Variants in GPHN observed in about 807,000 individuals in gnomAD.
The protein encoded by GPHN is gephyrin.
GPHN carries 17 observed loss-of-function variants against 95.5 expected under a neutral mutation model. The ratio of observed to expected loss-of-function variants is 0.18; its 90% CI spans 0.12 to 0.27. GPHN has a LOEUF of 0.27. GPHN is among the 10% of genes least tolerant of loss of function. GPHN has a pLI of 1.00. For synonymous variants in GPHN, 320 were observed against 322.5 expected, an observed-to-expected ratio of 0.99 and a Z score of 0.08; for missense variants, 660 against 978.1, an observed-to-expected ratio of 0.67 and a Z score of 4.34.
chr14:66,981,927 G>A (rs1299002528), intron 9 of GPHN, among the ~76,000 whole-genome samples: 1 of 152,004 alleles, frequency 6.6e-6, no homozygotes, highest in African/African-American at 2.4e-5. Flanking sequence ...CCAGACCTTG[G>A]TTCCCTTATC....
intron 1 of GPHN, among the ~76,000 whole-genome samples, chr14:66,624,572 G>C (rs2063447224): frequency 6.6e-6 from 1 of 152,198 alleles, no homozygotes; most frequent in African/African-American, 2.4e-5. Context: ...TAACTGGTAA[G>C]GGCTGATCCA....
intron 1 of GPHN, among the ~76,000 whole-genome samples, chr14:66,633,805 T>G (rs2063954873): frequency 6.6e-6 from 1 of 152,202 alleles, no homozygotes; most frequent in Admixed American, 6.5e-5. Flanking sequence ...ATCAGATTGC[T>G]TATTATTTTG....
the GPHN span, among the ~76,000 whole-genome samples, chr14:67,242,650 T>A: frequency 6.6e-6 from 1 of 152,018 alleles, no homozygotes; most frequent in Non-Finnish European, 1.5e-5. Flanking sequence ...ACTAGATCCC[T>A]GTGGACATAG....
chr14:67,203,472 A>T, the GPHN span, among the ~76,000 whole-genome samples: 1 of 152,204 alleles, frequency 6.6e-6, no homozygotes, highest in East Asian at 1.9e-4. Context: ...GACAATGGGT[A>T]TCCAACAGGC....
Position 66,621,428 on chromosome 14 carries a change from C to CT in GPHN, c.65-59665dup, listed in dbSNP as rs143345607. 8.7e-3 allele frequency among the ~76,000 whole-genome samples: 1,201 copies of CT among 137,998 alleles called. 4 individuals carry two copies. Among genetic ancestry groups the CT allele is most frequent in the African/African-American group, 0.02 (764 of 37,588 alleles). The allele number at this position is 137,998 out of a possible 152,430, so 90.5% of individuals were successfully genotyped here. A position where few individuals can be genotyped will look rare whatever the true frequency, so the allele number is the denominator to read the frequency against. ...CAGTGCCTGGCCAGGGCTGTCAAATCTTTTTTTTTTTTTTGAGACAGAGTC... is the reference window on the plus strand; with the variant it reads ...CAGTGCCTGGCCAGGGCTGTCAAATCTTTTTTTTTTTTTTTGAGACAGAGTC... On this transcript the variant is annotated intron_variant, in intron 1 of 22. Transcript: ENST00000478722.
chr14:66,887,862 A>C (rs1223432650), intron 5 of GPHN, among the ~76,000 whole-genome samples: 1 of 152,238 alleles, frequency 6.6e-6, no homozygotes, highest in African/African-American at 2.4e-5. Flanking sequence ...TGAAACAGAT[A>C]CCATGCAAGA....
intron 17 of GPHN, among the ~76,000 whole-genome samples, chr14:67,140,601 C>G (rs1311316420): frequency 6.6e-6 from 1 of 152,120 alleles, no homozygotes; most frequent in Non-Finnish European, 1.5e-5. Context: ...TCTTTTTCTA[C>G]TAACATAAAA....
intron 1 of GPHN, among the ~76,000 whole-genome samples, chr14:66,640,808 A>C (rs7151830): frequency 0.33 from 49,907 of 152,110 alleles, 12,063 homozygotes; most frequent in African/African-American, 0.66. Context: ...ATATACATGT[A>C]ACCATTCTGT....
chr14:67,340,347 T>G, the GPHN span: 1 of 1,057,928 alleles, frequency 9.5e-7, no homozygotes, highest in Admixed American at 1.9e-5. Flanking sequence ...CTGTGCTAAT[T>G]CTAAAGAACA....
the GPHN span, among the ~76,000 whole-genome samples, chr14:67,602,604 G>C: frequency 1.3e-5 from 2 of 152,106 alleles, no homozygotes; most frequent in Non-Finnish European, 2.9e-5. Flanking sequence ...TTCTTAACTT[G>C]GGCTCCACGG....
the GPHN span, among the ~76,000 whole-genome samples, chr14:67,207,299 G>C: frequency 2.0e-5 from 3 of 152,146 alleles, no homozygotes; most frequent in Admixed American, 6.5e-5. Context: ...TCGTGTGGAA[G>C]AGAAGGGGAG....
the GPHN span, among the ~76,000 whole-genome samples, chr14:67,200,845 G>A: frequency 6.6e-6 from 1 of 152,112 alleles, no homozygotes; most frequent in Admixed American, 6.5e-5. Context: ...CATAGTACTT[G>A]TCCAACATTG....
chr14:67,505,230 A>G, the GPHN span, among the ~76,000 whole-genome samples: 1 of 152,012 alleles, frequency 6.6e-6, no homozygotes, highest in Non-Finnish European at 1.5e-5. Context: ...CTGGGGAAAA[A>G]TCTTTGTGGA....
At chr14:66,583,132 C>T (rs1222063959) in intron 1 of GPHN, among the ~76,000 whole-genome samples, 6 of 151,858 alleles carry the variant, frequency 4.0e-5, no homozygotes, top group African/African-American at 9.7e-5. Flanking sequence ...TCTCTGATGG[C>T]CAGTGATGAT....
the GPHN span, among the ~76,000 whole-genome samples, chr14:67,484,240 T>G: frequency 6.6e-6 from 1 of 152,194 alleles, no homozygotes; most frequent in African/African-American, 2.4e-5. Flanking sequence ...CACTGTCTTG[T>G]TCACTGCTGT....
the GPHN span, chr14:67,338,857 A>G: frequency 2.8e-6 from 3 of 1,088,470 alleles, no homozygotes; most frequent in Non-Finnish European, 3.8e-6. Context: ...TAATAAACAC[A>G]TACCTAGAAA....
intron 11 of GPHN, among the ~76,000 whole-genome samples, chr14:67,060,580 T>C (rs1177320503): frequency 6.6e-6 from 1 of 152,214 alleles, no homozygotes; most frequent in African/African-American, 2.4e-5. Context: ...TGTCAGATAC[T>C]ATGTTAAGTC....
intron 9 of GPHN, among the ~76,000 whole-genome samples, chr14:67,005,744 A>G (rs1438087371): frequency 6.6e-6 from 1 of 151,928 alleles, no homozygotes; most frequent in Non-Finnish European, 1.5e-5. Flanking sequence ...TTTCGAATCT[A>G]CCTTTTAAAG....
At chr14:66,739,364 C>T (rs9323477) in intron 2 of GPHN, among the ~76,000 whole-genome samples, 35,180 of 151,036 alleles carry the variant, frequency 0.23, 8,052 homozygotes, top group African/African-American at 0.56. Flanking sequence ...CAACAGGCAC[C>T]CGCCACCACG....
Sources: allele counts gnomAD v4.1 joint callset (sites outside exome capture counted in the v4.1 genomes callset), GRCh38; gene constraint gnomAD v4.1.1; transcripts MANE v1.5; gene names NCBI Gene and HGNC (gene_info 2026-07-23, HGNC 2026-07-21).